DARS2: variants seen among roughly 807,000 people sequenced by gnomAD.
DARS2 encodes the protein aspartate--tRNA ligase, mitochondrial.
In DARS2, 63 loss-of-function variants were observed where a neutral mutation model predicts 83.0. The observed-to-expected ratio is 0.76, with a 90% confidence interval of 0.62 to 0.94. The LOEUF is 0.94. Ranked by LOEUF, DARS2 falls within the 40% of genes least tolerant of loss-of-function variation. The probability of loss-of-function intolerance (pLI) is 0.00; values close to 1 mark genes in which losing one functional copy is unlikely to be tolerated. For synonymous variants in DARS2, 250 were observed against 269.3 expected (o/e 0.93, Z 0.70); for missense variants, 675 against 774.4 (o/e 0.87, Z 1.52).
chr1:173,856,798 C>G, intron 16 of DARS2, 57 bp downstream of exon 16: 1 of 1,463,920 alleles, frequency 6.8e-7, no homozygotes, highest in Non-Finnish European at 9.6e-7. Context: ...GTCTCAAATT[C>G]AGGTTCTCAG....
At chr1:173,825,412 G>A in intron 1 of DARS2, 56 bp downstream of exon 1, 1 of 1,554,396 alleles carries the variant, frequency 6.4e-7, no homozygotes, top group South Asian at 1.2e-5. Context: ...GTTATCTACG[G>A]CCGGAGAGCT....
Position 173,826,806 on chromosome 1 carries a change from C to T in DARS2, c.227+20C>T. 1.3e-6 allele frequency: 2 copies of T among 1,538,884 alleles called. No individual in the cohort carries two copies. Among genetic ancestry groups the T allele is most frequent in the Non-Finnish European group, 1.8e-6 (2 of 1,111,558 alleles). ...CCGAAGGTAAATTGAGAAAGACAGT[C>T]TAAGAATGCATGGTGGTGGTTTTCC... On this transcript the variant is annotated intron_variant, in intron 2 of 16. Coordinates refer to ENST00000649689, the MANE Select transcript of DARS2 (RefSeq NM_018122.5).
chr1:173,853,298 C>T (rs375473612), intron 13 of DARS2, 51 bp from the exon 14 acceptor site: 40 of 1,577,546 alleles, frequency 2.5e-5, no homozygotes, highest in Non-Finnish European at 3.1e-5. Context: ...GTGTCATTTC[C>T]TGCCTGCTCT....
chr1:173,851,507 C>A (rs1571996970), intron 13 of DARS2, among the ~76,000 whole-genome samples: 1 of 152,238 alleles, frequency 6.6e-6, no homozygotes, highest in East Asian at 1.9e-4. Flanking sequence ...GGCTGGCAGA[C>A]ACCCCTGGAC....
At chr1:173,831,236 C>T (rs1853014) in intron 4 of DARS2, among the ~76,000 whole-genome samples, 7,315 of 144,580 alleles carry the variant, frequency 0.051, 721 homozygotes, top group East Asian at 0.33. Flanking sequence ...TTTTTCAGGA[C>T]GGGTCTTGCA....
chr1:173,853,903 A>T lies in DARS2; in HGVS notation c.1672A>T (p.Lys558Ter), dbSNP rs1653770126. Reference protein sequence around the residue: ...LQRYILATLLKEDVKMLSHLL... With the variant: ...LQRYILATLL ...GCGTTATATCCTGGCAACCTTACTA[A>T]AGGTAACAAACATCATCTGCTATCC... is the stretch of plus-strand genomic sequence containing the variant. Residue 558 changes from lysine to a stop codon, truncating the protein, a stop_gained and splice_region_variant, in exon 15 of 17, where the codon AAG (lysine) becomes TAG (stop). Coordinates refer to ENST00000649689, the MANE Select transcript of DARS2 (RefSeq NM_018122.5). LOFTEE classifies it high-confidence loss of function. 1 of 1,611,312 alleles carries T rather than the reference A, an allele frequency of 6.2e-7. No individual in the cohort carries two copies. Among genetic ancestry groups the T allele is most frequent in the African/African-American group, 1.3e-5 (1 of 74,864 alleles).
intron 6 of DARS2, among the ~76,000 whole-genome samples, chr1:173,834,229 A>C (rs1652896233): frequency 6.6e-6 from 1 of 152,224 alleles, no homozygotes; most frequent in Non-Finnish European, 1.5e-5. Flanking sequence ...GTAGACAAGA[A>C]TCCATTAAAT....
At chr1:173,840,334 G>T (rs1240790393) in intron 10 of DARS2, among the ~76,000 whole-genome samples, 1 of 152,192 alleles carries the variant, frequency 6.6e-6, no homozygotes, top group Admixed American at 6.5e-5. Flanking sequence ...GGCCTCCTGG[G>T]TTCAAGCGAT....
At chr1:173,846,144 C>G (rs1653426377) in intron 12 of DARS2, among the ~76,000 whole-genome samples, 1 of 149,678 alleles carries the variant, frequency 6.7e-6, no homozygotes, top group South Asian at 2.1e-4. Context: ...GACGACAGAG[C>G]AAGACTCTGT....
chr1:173,834,763 G>GTTTT (rs1652932155), intron 7 of DARS2, among the ~76,000 whole-genome samples: 2 of 24,286 alleles, frequency 8.2e-5, no homozygotes, highest in African/African-American at 2.2e-4. Flanking sequence ...TTTTTGGTTT[G>GTTTT]TTTTGGGTTT....
chr1:173,831,291 C>T (rs550859791), intron 4 of DARS2, among the ~76,000 whole-genome samples: 4 of 151,534 alleles, frequency 2.6e-5, no homozygotes, highest in Admixed American at 2.6e-4. Flanking sequence ...AAGTGATCCT[C>T]CTGTCTCAGC....
At position 173,842,317 on chromosome 1, in the gene DARS2, T is replaced by TTTTTTTTTTTTTTTTTTG. The variant is rs1304745729; in HGVS notation, c.1128+1344_1128+1345insTTTTTTTTTTTTTTTTTG. Among the ~76,000 whole-genome samples, 45 of 116,628 alleles carry TTTTTTTTTTTTTTTTTTG rather than the reference T, an allele frequency of 3.9e-4. 12 individuals are homozygous for TTTTTTTTTTTTTTTTTTG. The highest frequency in any genetic ancestry group is 1.8e-3 in the African/African-American group (43 of 23,540). The allele number at this position is 116,628 out of a possible 152,430, so 76.5% of individuals were successfully genotyped here. A position where few individuals can be genotyped will look rare whatever the true frequency, so the allele number is the denominator to read the frequency against. On this transcript the variant is annotated intron_variant, in intron 11 of 16. Coordinates refer to ENST00000649689, the MANE Select transcript of DARS2 (RefSeq NM_018122.5). ...TTTTTTTTTTTTTTTTTTTTTTTTT[T>TTTTTTTTTTTTTTTTTTG]AGAGTGAGTCTTGCTCTGTCGCCCA...
intron 3 of DARS2, 97 bp from the exon 4 acceptor site, chr1:173,830,563 G>GT (rs1652758415): frequency 1.0e-6 from 1 of 989,342 alleles, no homozygotes; most frequent in Admixed American, 1.8e-5. Context: ...TAATTAAGCT[G>GT]TGACTATTAA....
intron 12 of DARS2, among the ~76,000 whole-genome samples, chr1:173,846,969 G>A (rs1557861175): frequency 6.6e-6 from 1 of 152,022 alleles, no homozygotes; most frequent in Non-Finnish European, 1.5e-5. Context: ...AGAAAAGGAG[G>A]CTATAGGACT....
At chr1:173,853,268 C>A in intron 13 of DARS2, 81 bp from the exon 14 acceptor site, 2 of 1,390,202 alleles carry the variant, frequency 1.4e-6, no homozygotes, top group South Asian at 1.2e-5. Context: ...AGAGAATGGC[C>A]TGGCTTCGGA....
At position 173,853,785 on chromosome 1, in the gene DARS2, A is replaced by T; in HGVS notation, c.1564-10A>T. The T allele has an allele frequency of 6.2e-7, 1 of 1,610,896 alleles. No individual in the cohort carries two copies. The highest frequency in any genetic ancestry group is 8.5e-7 in the Non-Finnish European group (1 of 1,177,074). ...TTTTCTCTAACATAAAGTATCTGTG[A>T]ATCTTCTAGGCCCGTAGCCAACACT... is the stretch of plus-strand genomic sequence containing the variant. On this transcript the variant is annotated splice_polypyrimidine_tract_variant and intron_variant, in intron 14 of 16. Coordinates refer to ENST00000649689, the MANE Select transcript of DARS2 (RefSeq NM_018122.5).
intron 12 of DARS2, among the ~76,000 whole-genome samples, chr1:173,848,182 C>T (rs987735217): frequency 6.6e-6 from 1 of 152,054 alleles, no homozygotes. Flanking sequence ...GAGTTGAAGC[C>T]ACCCATCCTG....
At position 173,825,112 on chromosome 1, in the gene DARS2, G is replaced by A; in HGVS notation, c.-118G>A. On this transcript the variant is annotated 5_prime_UTR_variant, in exon 1 of 17. Transcript: ENST00000649689. Reference sequence around the variant, plus strand: ...TGTGCGGAGGAGGCCTTAAATATTCGAGAAGAGAGTGGGAACTCCTGGAAT... The same window carrying A: ...TGTGCGGAGGAGGCCTTAAATATTCAAGAAGAGAGTGGGAACTCCTGGAAT... The A allele has an allele frequency of 6.8e-7, 1 of 1,472,154 alleles. No homozygotes were observed. 91.2% of individuals were successfully genotyped at this position (1,472,154 alleles called of 1,614,324 possible).
chr1:173,850,406 TG>T lies in DARS2; in HGVS notation c.1273del (p.Glu425AsnfsTer2). 1.2e-6 allele frequency: 2 copies of T among 1,613,936 alleles called. No homozygotes were observed. The highest frequency in any genetic ancestry group is 1.7e-6 in the Non-Finnish European group (2 of 1,179,942). ...AATTTCATAATGGAGTCACAAAGAC[TG>T]GAATTAATCAGACTAATGGAGACCC... Reference protein sequence around the residue: ...VANFIMESQRLELIRLMETQE... With the variant: ...VANFIMESQRXELIRLMETQE... On this transcript the variant is annotated frameshift_variant, in exon 13 of 17. Transcript: ENST00000649689. LOFTEE classifies it high-confidence loss of function.
Sources: allele counts gnomAD v4.1 joint callset (sites outside exome capture counted in the v4.1 genomes callset), GRCh38; gene constraint gnomAD v4.1.1; transcripts MANE v1.5; gene names NCBI Gene and HGNC (gene_info 2026-07-23, HGNC 2026-07-21).